Variants in MAGI2 observed in about 807,000 individuals in gnomAD.
The protein encoded by MAGI2 is membrane-associated guanylate kinase, WW and PDZ domain-containing protein 2.
In MAGI2, 35 loss-of-function variants were observed where a neutral mutation model predicts 133.3. That is an observed-to-expected ratio of 0.26 (90% confidence interval 0.20 to 0.35). The LOEUF (loss-of-function observed/expected upper bound fraction) is 0.35, where lower values mean the gene tolerates loss of function less well. MAGI2 is among the 10% of genes least tolerant of loss of function. The pLI, the probability that MAGI2 is intolerant of heterozygous loss-of-function variation, is 1.00. For missense variants in MAGI2, 1,636 were observed against 1,863.4 expected (o/e 0.88, Z 2.25); for synonymous variants, 729 against 710.6 (o/e 1.03, Z -0.41).
intron 1 of MAGI2, among the ~76,000 whole-genome samples, chr7:79,137,403 G>A (rs1226048258): frequency 1.3e-5 from 2 of 150,684 alleles, no homozygotes; most frequent in Non-Finnish European, 3.0e-5. Context: ...ACCATGAGAT[G>A]TTGAGGGGAC....
intron 2 of MAGI2, among the ~76,000 whole-genome samples, chr7:78,962,558 C>T (rs566805603): frequency 1.4e-5 from 2 of 145,224 alleles, no homozygotes; most frequent in South Asian, 2.2e-4. Flanking sequence ...TATAACACTT[C>T]AGAAAATGTA....
intron 1 of MAGI2, among the ~76,000 whole-genome samples, chr7:79,221,079 G>T (rs547391685): frequency 6.6e-6 from 1 of 152,030 alleles, no homozygotes; most frequent in Non-Finnish European, 1.5e-5. Flanking sequence ...AGCCTAGAAG[G>T]TGCATGTGGA....
chr7:78,611,737 C>T (rs774890757), intron 3 of MAGI2, among the ~76,000 whole-genome samples: 1 of 152,192 alleles, frequency 6.6e-6, no homozygotes. Flanking sequence ...CACCTCTGAA[C>T]AGTGCAGTAG....
At chr7:78,119,278 G>A (rs1338491354) in intron 20 of MAGI2, among the ~76,000 whole-genome samples, 2 of 152,094 alleles carry the variant, frequency 1.3e-5, no homozygotes, top group Non-Finnish European at 1.5e-5. Flanking sequence ...GTACGACACC[G>A]GCCGGGGGCA....
chr7:78,136,276 C>T (rs377470994), intron 16 of MAGI2, among the ~76,000 whole-genome samples: 39 of 152,216 alleles, frequency 2.6e-4, no homozygotes, highest in East Asian at 2.5e-3. Flanking sequence ...CCCGCGACCA[C>T]GCCTGGCTAA....
At chr7:78,068,560 C>A (rs1014939288) in intron 21 of MAGI2, among the ~76,000 whole-genome samples, 1 of 152,112 alleles carries the variant, frequency 6.6e-6, no homozygotes, top group Non-Finnish European at 1.5e-5. Flanking sequence ...ATCTCTGTGC[C>A]TTTCTCTCAA....
chr7:78,567,423 C>G (rs1048165430), intron 3 of MAGI2, among the ~76,000 whole-genome samples: 18 of 149,872 alleles, frequency 1.2e-4, no homozygotes, highest in Non-Finnish European at 1.0e-4. Flanking sequence ...CACACACAAC[C>G]GCAATGCATG....
chr7:78,815,773 C>T (rs943051983), intron 2 of MAGI2, among the ~76,000 whole-genome samples: 5 of 152,188 alleles, frequency 3.3e-5, no homozygotes, highest in Non-Finnish European at 7.4e-5. Context: ...TATATTCTTA[C>T]TGCTCCACCA....
chr7:79,078,924 C>T (rs898678692), intron 1 of MAGI2, among the ~76,000 whole-genome samples: 1 of 152,170 alleles, frequency 6.6e-6, no homozygotes, highest in Non-Finnish European at 1.5e-5. Flanking sequence ...CATGGAATCA[C>T]AGTTAATGCA....
chr7:79,092,207 T>C (rs183195845), intron 1 of MAGI2, among the ~76,000 whole-genome samples: 25 of 152,296 alleles, frequency 1.6e-4, no homozygotes, highest in African/African-American at 5.5e-4. Context: ...TTTAATCTAA[T>C]AATGCAAGTT....
intron 9 of MAGI2, among the ~76,000 whole-genome samples, chr7:78,321,222 C>A (rs1408962726): frequency 6.6e-6 from 1 of 152,148 alleles, no homozygotes; most frequent in Non-Finnish European, 1.5e-5. Context: ...TCAATGCCAT[C>A]CCCATCAAGC....
At chr7:78,399,802 A>G (rs1343766399) in intron 6 of MAGI2, among the ~76,000 whole-genome samples, 1 of 103,106 alleles carries the variant, frequency 9.7e-6, no homozygotes, top group Non-Finnish European at 1.9e-5. Flanking sequence ...GAGACTTTGT[A>G]TCAAAAAAAA....
chr7:78,538,101 T>G (rs915455363), intron 3 of MAGI2, among the ~76,000 whole-genome samples: 3 of 152,222 alleles, frequency 2.0e-5, no homozygotes, highest in Admixed American at 6.5e-5. Flanking sequence ...TCCCCCTGTA[T>G]GTTTTCATTT....
chr7:78,327,895 T>C (rs1373004828), intron 9 of MAGI2, among the ~76,000 whole-genome samples: 2 of 152,146 alleles, frequency 1.3e-5, no homozygotes, highest in South Asian at 4.1e-4. Flanking sequence ...GTATAACCTC[T>C]GCTTGTCTCA....
intron 21 of MAGI2, among the ~76,000 whole-genome samples, chr7:78,070,192 T>TACAC (rs1301308044): frequency 8.2e-4 from 26 of 31,712 alleles, no homozygotes; most frequent in African/African-American, 1.7e-3. Flanking sequence ...TATATATATA[T>TACAC]ATATATATAT....
chr7:79,002,312 A>G (rs1806950181), intron 2 of MAGI2, among the ~76,000 whole-genome samples: 1 of 150,722 alleles, frequency 6.6e-6, no homozygotes, highest in African/African-American at 2.4e-5. Context: ...TTTTGTAGAG[A>G]TAGTGTTTTC....
At chr7:78,399,273 C>T (rs1380089308) in intron 6 of MAGI2, among the ~76,000 whole-genome samples, 1 of 152,128 alleles carries the variant, frequency 6.6e-6, no homozygotes, top group African/African-American at 2.4e-5. Context: ...CCCAGAAATC[C>T]CAGAAATACT....
intron 3 of MAGI2, among the ~76,000 whole-genome samples, chr7:78,526,688 G>A (rs965791140): frequency 1.3e-5 from 2 of 152,110 alleles, no homozygotes; most frequent in African/African-American, 2.4e-5. Context: ...TGAAAATGTG[G>A]AACAGGATGA....
At chr7:78,788,914 C>T (rs745628788) in intron 2 of MAGI2, among the ~76,000 whole-genome samples, 5 of 152,080 alleles carry the variant, frequency 3.3e-5, no homozygotes, top group Non-Finnish European at 5.9e-5. Context: ...AGGTGTGGCT[C>T]GTCTGCCTCT....
Sources: gnomAD v4.1 joint callset for allele counts (sites outside exome capture counted in the v4.1 genomes callset) on GRCh38, gnomAD v4.1.1 for gene constraint, MANE v1.5 for transcripts, NCBI Gene and HGNC (gene_info 2026-07-23, HGNC 2026-07-21) for gene names.